The following PLEKHA6 variants were observed in gnomAD, a reference collection of about 807,000 sequenced individuals.
The protein encoded by PLEKHA6 is pleckstrin homology domain containing A6.
PLEKHA6 carries 60 observed loss-of-function variants against 116.7 expected under a neutral mutation model. The ratio of observed to expected loss-of-function variants is 0.51; its 90% confidence interval spans 0.42 to 0.64. PLEKHA6 has a LOEUF of 0.64. Among genes scored for constraint, PLEKHA6 ranks in the 30% least tolerant of loss-of-function variants. The pLI, the probability that PLEKHA6 is intolerant of heterozygous loss-of-function variation, is 0.00. For missense variants in PLEKHA6, 1,338 were observed against 1,422.7 expected (o/e 0.94, Z 0.96); for synonymous variants, 489 against 556.1 (o/e 0.88, Z 1.70).
At chr1:204,267,450 C>T (rs1178108083) in intron 5 of PLEKHA6, 25 bp downstream of exon 5, 1 of 1,605,278 alleles carries the variant, frequency 6.2e-7, no homozygotes, top group Non-Finnish European at 8.5e-7. Context: ...CCTGCCATCC[C>T]TGCCAGTCCA....
At chr1:204,265,668 C>T (rs1339728886) in intron 5 of PLEKHA6, among the ~76,000 whole-genome samples, 3 of 152,136 alleles carry the variant, frequency 2.0e-5, no homozygotes, top group African/African-American at 4.8e-5. Context: ...GTGGACTATC[C>T]CACCTTCTGC....
intron 1 of PLEKHA6, among the ~76,000 whole-genome samples, chr1:204,295,878 T>C (rs1203778173): frequency 6.6e-6 from 1 of 152,094 alleles, no homozygotes; most frequent in African/African-American, 2.4e-5. Flanking sequence ...GAGCCTCCTG[T>C]GACAAAGCCA....
At chr1:204,235,384 G>A (rs922933361) in intron 17 of PLEKHA6, among the ~76,000 whole-genome samples, 2 of 152,110 alleles carry the variant, frequency 1.3e-5, no homozygotes, top group African/African-American at 2.4e-5. Flanking sequence ...GAAGCTGGTT[G>A]GTTGCTCCTA....
At chr1:204,236,070 G>C (rs924679502) in intron 17 of PLEKHA6, among the ~76,000 whole-genome samples, 1 of 152,166 alleles carries the variant, frequency 6.6e-6, no homozygotes, top group South Asian at 2.1e-4. Context: ...TGAGTTCTCT[G>C]ATTTATATAA....
chr1:204,230,475 T>C lies in PLEKHA6; in HGVS notation c.2521A>G (p.Arg841Gly), dbSNP rs1661020846. The part of the protein sequence containing the change: ...HQSGSMREKR[R>G]SLQLPASPAP... ...GGGCTGGCCGGGAGCTGCAGGCTCC[T>C]CCGCTTCTCCCTCATGGAGCCACTC... The change falls in exon 18 of 23, where the codon AGG becomes GGG. Residue 841 changes from arginine (R) to glycine (G), a missense_variant. By Grantham distance (125) the Arg-to-Gly change is moderately radical. Transcript: ENST00000272203. 1.9e-6 allele frequency: 3 copies of C among 1,581,380 alleles called. No individual in the cohort carries two copies. The South Asian group carries it at 3.5e-5, about 18-fold the overall frequency.
rs112757341 is a variant in PLEKHA6 at position 204,226,245 on chromosome 1, C to A, written c.3031+1838G>T. On this transcript the variant is annotated intron_variant, in intron 21 of 22. Coordinates refer to ENST00000272203, the MANE Select transcript of PLEKHA6 (RefSeq NM_014935.5). ...TCTGAGGTCTGGCCCTGCCACAGCC[C>A]TTTTTTAAATAGTTGGGGTTTTGGC... Among the ~76,000 whole-genome samples, 1,055 of 152,302 alleles carry A rather than the reference C, an allele frequency of 6.9e-3. 4 individuals are homozygous for A. The highest frequency in any genetic ancestry group is 0.02 in the Middle Eastern group (6 of 294).
At chr1:204,300,280 C>T (rs1670684896) in intron 1 of PLEKHA6, among the ~76,000 whole-genome samples, 1 of 152,166 alleles carries the variant, frequency 6.6e-6, no homozygotes, top group African/African-American at 2.4e-5. Context: ...TCCTTGAGGA[C>T]AATCCTTCTC....
At chr1:204,323,264 C>T (rs901690764) in intron 1 of PLEKHA6, among the ~76,000 whole-genome samples, 2 of 152,256 alleles carry the variant, frequency 1.3e-5, no homozygotes, top group African/African-American at 4.8e-5. Context: ...GGACTGTCTT[C>T]TCTTTGCTCC....
intron 1 of PLEKHA6, among the ~76,000 whole-genome samples, chr1:204,302,396 C>A (rs1670903304): frequency 6.6e-6 from 1 of 152,206 alleles, no homozygotes; most frequent in Non-Finnish European, 1.5e-5. Context: ...TCAGGAAAAG[C>A]CATGCTGCAT....
chr1:204,227,522 A>G (rs1337927134), intron 21 of PLEKHA6, among the ~76,000 whole-genome samples: 1 of 152,176 alleles, frequency 6.6e-6, no homozygotes, highest in East Asian at 1.9e-4. Context: ...TAGCCTTTGT[A>G]TCAGCGTGAA....
At chr1:204,225,250 A>G (rs892015299) in intron 21 of PLEKHA6, among the ~76,000 whole-genome samples, 3 of 152,252 alleles carry the variant, frequency 2.0e-5, no homozygotes, top group African/African-American at 7.2e-5. Context: ...CCTTTAACAG[A>G]GATCGGCAAA....
chr1:204,363,889 C>T (rs529644113), upstream of PLEKHA6, among the ~76,000 whole-genome samples: 59 of 152,272 alleles, frequency 3.9e-4, no homozygotes, highest in Middle Eastern at 0.024. Flanking sequence ...CAGTGCGTTT[C>T]TCCCACGTTT....
At chr1:204,287,719 G>A (rs1017337617) in intron 1 of PLEKHA6, among the ~76,000 whole-genome samples, 4 of 152,056 alleles carry the variant, frequency 2.6e-5, no homozygotes, top group Admixed American at 6.6e-5. Flanking sequence ...CCAGGAAATC[G>A]GCCCACAAGA....
intron 1 of PLEKHA6, among the ~76,000 whole-genome samples, chr1:204,294,448 G>A (rs1670070270): frequency 6.6e-6 from 1 of 152,200 alleles, no homozygotes; most frequent in Admixed American, 6.5e-5. Flanking sequence ...GAACCTGAGA[G>A]GTCAGGTTAT....
At chr1:204,329,395 C>T (rs975543559) in intron 1 of PLEKHA6, among the ~76,000 whole-genome samples, 1 of 152,134 alleles carries the variant, frequency 6.6e-6, no homozygotes, top group African/African-American at 2.4e-5. Context: ...CACAACACCT[C>T]CCAGAGAAGG....
rs1558015707 is a variant in PLEKHA6, at chr1:204,228,396, C to T, written c.2886-168G>A. Among the ~76,000 whole-genome samples, 1 of 152,152 alleles carries T rather than the reference C, an allele frequency of 6.6e-6. No individual in the cohort carries two copies. The highest frequency in any genetic ancestry group is 1.5e-5 in the Non-Finnish European group (1 of 68,018). On this transcript the variant is annotated intron_variant, in intron 20 of 22. Transcript: ENST00000272203. This position sits in a 1 kb window ranked among gnomAD's most constrained non-coding sequence, Gnocchi z 4.0. ...GAGTGAGTGGGACCCTGGCAAAACA[C>T]AGGTTGGGACCCCTACCTTCAATGT...
intron 3 of PLEKHA6, among the ~76,000 whole-genome samples, chr1:204,269,028 C>T (rs902449568): frequency 1.3e-5 from 2 of 152,038 alleles, no homozygotes; most frequent in South Asian, 2.1e-4. Flanking sequence ...TTGATGTCCC[C>T]GGCTCCAGCA....
chr1:204,342,265 G>A (rs755762021), intron 1 of PLEKHA6, among the ~76,000 whole-genome samples: 2 of 152,200 alleles, frequency 1.3e-5, no homozygotes, highest in Non-Finnish European at 2.9e-5. Flanking sequence ...CCAGCTATTC[G>A]GGAGGCTGAG....
intron 3 of PLEKHA6, among the ~76,000 whole-genome samples, chr1:204,271,233 C>T (rs1047906727): frequency 6.6e-6 from 1 of 152,156 alleles, no homozygotes; most frequent in Non-Finnish European, 1.5e-5. Context: ...AGATTGGACA[C>T]CCCTTGCCTA....
Sources: gnomAD v4.1 joint callset for allele counts (sites outside exome capture counted in the v4.1 genomes callset) on GRCh38, gnomAD v4.1.1 for gene constraint, Gnocchi (gnomAD v3.1) non-coding constraint, MANE v1.5 for transcripts, NCBI Gene and HGNC (gene_info 2026-07-23, HGNC 2026-07-21) for gene names.